Variants in P2RX5 observed in about 807,000 individuals in gnomAD.
P2RX5 encodes P2X purinoceptor 5.
A neutral mutation model predicts 54.1 loss-of-function variants in P2RX5; 46 were observed. The observed-to-expected ratio is 0.85, with a 90% CI of 0.67 to 1.09. P2RX5 has a LOEUF of 1.09. P2RX5 is among the 50% of genes least tolerant of loss of function. The probability of loss-of-function intolerance (pLI) is 0.00; values close to 1 mark genes in which losing one functional copy is unlikely to be tolerated. For missense variants in P2RX5, 566 were observed against 549.8 expected, an observed-to-expected ratio of 1.03 and a Z score of -0.29; for synonymous variants, 226 against 226.4, an observed-to-expected ratio of 1.00 and a Z score of 0.02.
chr17:3,720,869 T>C, the P2RX5 span, among the ~76,000 whole-genome samples: 1 of 150,134 alleles, frequency 6.7e-6, no homozygotes, highest in Non-Finnish European at 1.5e-5. Context: ...AGGCGTGAGC[T>C]GCCGCGCCTG....
chr17:3,721,319 C>CGGAAT, the P2RX5 span, among the ~76,000 whole-genome samples: 1 of 126,834 alleles, frequency 7.9e-6, no homozygotes, highest in Non-Finnish European at 1.6e-5. Flanking sequence ...TTACTCGGGC[C>CGGAAT]GGAATGGAGT....
chr17:3,702,123 T>G, the P2RX5 span, among the ~76,000 whole-genome samples: 1 of 152,072 alleles, frequency 6.6e-6, no homozygotes, highest in Admixed American at 6.6e-5. Flanking sequence ...TAAAGGATTG[T>G]AAATGCACCA....
the P2RX5 span, among the ~76,000 whole-genome samples, chr17:3,703,959 G>A: frequency 5.8e-4 from 88 of 152,188 alleles, no homozygotes; most frequent in African/African-American, 2.0e-3. Context: ...AAAAGTAGCC[G>A]GACGTGGTGG....
At chr17:3,692,133 T>A in intron 1 of P2RX5, 1 of 185,364 alleles carries the variant, frequency 5.4e-6, no homozygotes, top group Non-Finnish European at 1.1e-5. Context: ...TGAAACCCTG[T>A]CTCTACTCAA....
intron 11 of P2RX5, 114 bp from the exon 12 acceptor site, chr17:3,673,991 C>T: frequency 3.1e-6 from 3 of 979,356 alleles, no homozygotes; most frequent in Non-Finnish European, 4.8e-6. Context: ...AGCTACAGTT[C>T]ATGCTTCACT....
intron 9 of P2RX5, 115 bp from the exon 10 acceptor site, chr17:3,682,093 A>T: frequency 1.4e-6 from 1 of 737,092 alleles, no homozygotes. Context: ...CACTGTCCCC[A>T]TTTAACAGAT....
chr17:3,723,767 G>C, the P2RX5 span: 1 of 1,605,164 alleles, frequency 6.2e-7, no homozygotes, highest in African/African-American at 1.3e-5. Context: ...CCATGACCGC[G>C]ACGCGCTGAA....
intron 11 of P2RX5, chr17:3,676,678 TTG>T: frequency 1.4e-6 from 1 of 694,488 alleles, no homozygotes; most frequent in Non-Finnish European, 1.8e-6. Context: ...CCTTGGAATC[TTG>T]TTGAAACACA....
chr17:3,723,176 A>G, the P2RX5 span: 1 of 788,396 alleles, frequency 1.3e-6, no homozygotes, highest in Non-Finnish European at 2.2e-6. Context: ...TTTTGCACCA[A>G]AAGATCTATT....
the P2RX5 span, chr17:3,718,077 G>A: frequency 1.3e-5 from 2 of 152,236 alleles, no homozygotes; most frequent in African/African-American, 4.8e-5. Context: ...GCAAGGCACC[G>A]GGTACTACTG....
At chr17:3,708,552 C>G in the P2RX5 span, among the ~76,000 whole-genome samples, 2 of 151,884 alleles carry the variant, frequency 1.3e-5, no homozygotes, top group Non-Finnish European at 2.9e-5. Flanking sequence ...ACCCATTAAG[C>G]AAACAAATTA....
At chr17:3,699,762 G>A (rs1354845110), upstream of P2RX5, among the ~76,000 whole-genome samples, 4 of 147,184 alleles carry the variant, frequency 2.7e-5, no homozygotes, top group South Asian at 4.4e-4. Flanking sequence ...CCAAGATCGC[G>A]CCACTGCACT....
At chr17:3,674,537 C>T (rs937845963) in intron 11 of P2RX5, among the ~76,000 whole-genome samples, 2 of 152,206 alleles carry the variant, frequency 1.3e-5, no homozygotes, top group African/African-American at 4.8e-5. Context: ...CACTGGAAGG[C>T]TTGGCCGGCC....
At chr17:3,689,936 A>G (rs980846248) in intron 6 of P2RX5, 134 bp downstream of exon 6, 8 of 881,292 alleles carry the variant, frequency 9.1e-6, no homozygotes, top group Admixed American at 3.4e-5. Context: ...GCACACACGC[A>G]CACACGCGAA....
intron 10 of P2RX5, 49 bp downstream of exon 10, chr17:3,681,847 G>C: frequency 8.0e-7 from 1 of 1,254,598 alleles, no homozygotes; most frequent in Non-Finnish European, 1.2e-6. Flanking sequence ...AGCCACGGGG[G>C]TGCTCCACAG....
chr17:3,674,721 T>C (rs1447009734), intron 11 of P2RX5, among the ~76,000 whole-genome samples: 1 of 152,224 alleles, frequency 6.6e-6, no homozygotes, highest in Non-Finnish European at 1.5e-5. Flanking sequence ...TCTTCACACC[T>C]GTGCTTCTCT....
At chr17:3,674,579 G>A (rs757023763) in intron 11 of P2RX5, among the ~76,000 whole-genome samples, 2 of 152,178 alleles carry the variant, frequency 1.3e-5, no homozygotes, top group Admixed American at 1.3e-4. Context: ...ATCCTCTAAG[G>A]AAGCAAAGTC....
At chr17:3,685,233 C>T (rs2050407626) in intron 9 of P2RX5, among the ~76,000 whole-genome samples, 1 of 152,216 alleles carries the variant, frequency 6.6e-6, no homozygotes, top group Admixed American at 6.5e-5. Flanking sequence ...CCAGCCACGC[C>T]TCGGCTGGGG....
the P2RX5 span, chr17:3,714,872 T>C: frequency 6.2e-7 from 1 of 1,610,370 alleles, no homozygotes; most frequent in South Asian, 1.1e-5. Context: ...GAGCAGATTC[T>C]CTGATTTCAG....
Sources: gnomAD v4.1 joint callset for allele counts (sites outside exome capture counted in the v4.1 genomes callset) on GRCh38, gnomAD v4.1.1 for gene constraint, MANE v1.5 for transcripts, NCBI Gene and HGNC (gene_info 2026-07-23, HGNC 2026-07-21) for gene names.